The following GPHN variants were observed in gnomAD, a reference collection of about 807,000 sequenced individuals.
GPHN encodes the protein gephyrin.
GPHN carries 17 observed loss-of-function variants against 95.5 expected under a neutral mutation model. That is an observed-to-expected ratio of 0.18 (90% confidence interval 0.12 to 0.27). GPHN has a LOEUF of 0.27. GPHN is among the 10% of genes least tolerant of loss of function. The pLI is 1.00. For synonymous variants in GPHN, 320 were observed against 322.5 expected (o/e 0.99, Z 0.08); for missense variants, 660 against 978.1 (o/e 0.67, Z 4.34).
intron 9 of GPHN, among the ~76,000 whole-genome samples, chr14:66,998,963 C>A (rs2072024047): frequency 6.6e-6 from 1 of 150,446 alleles, no homozygotes; most frequent in Non-Finnish European, 1.5e-5. Context: ...TTTTTGATAT[C>A]TCATTATCAA....
intron 10 of GPHN, among the ~76,000 whole-genome samples, 166 bp from the exon 11 acceptor site, chr14:67,058,483 T>C (rs1321973606): frequency 1.3e-5 from 2 of 152,252 alleles, no homozygotes; most frequent in South Asian, 2.1e-4. Context: ...CTTGATTTAA[T>C]GTTCCACCAG....
intron 1 of GPHN, among the ~76,000 whole-genome samples, chr14:66,595,641 G>A (rs546265551): frequency 1.2e-4 from 18 of 152,298 alleles, no homozygotes; most frequent in Non-Finnish European, 2.5e-4. Context: ...GAGGCTTACT[G>A]CAAGCAGCTT....
chr14:66,922,213 G>A (rs2066255998), intron 6 of GPHN, among the ~76,000 whole-genome samples: 1 of 150,636 alleles, frequency 6.6e-6, no homozygotes, highest in Non-Finnish European at 1.5e-5. Flanking sequence ...AAATAGCTGG[G>A]ACCTAATTTA....
At chr14:66,547,705 G>T (rs909276942) in intron 1 of GPHN, among the ~76,000 whole-genome samples, 1 of 152,116 alleles carries the variant, frequency 6.6e-6, no homozygotes, top group African/African-American at 2.4e-5. Context: ...CAAATTTCGT[G>T]TTCATTCTGG....
At chr14:67,060,663 G>A (rs772231011) in intron 11 of GPHN, among the ~76,000 whole-genome samples, 4 of 152,218 alleles carry the variant, frequency 2.6e-5, no homozygotes, top group African/African-American at 9.6e-5. Context: ...GAAGAGATGG[G>A]TAAATTAATG....
At chr14:66,873,628 A>T (rs1430198083) in intron 4 of GPHN, among the ~76,000 whole-genome samples, 4 of 152,140 alleles carry the variant, frequency 2.6e-5, no homozygotes, top group Non-Finnish European at 5.9e-5. Context: ...TTCCCCTCAC[A>T]GCATAAACAA....
At chr14:67,159,548 A>C (rs1302716879) in intron 19 of GPHN, 60 bp downstream of exon 19, 1 of 860,822 alleles carries the variant, frequency 1.2e-6, no homozygotes, top group Non-Finnish European at 2.0e-6. Context: ...TTAACTAACA[A>C]ATTTTTAAAT....
At chr14:66,565,206 GGATA>G (rs1382995813) in intron 1 of GPHN, among the ~76,000 whole-genome samples, 2 of 152,126 alleles carry the variant, frequency 1.3e-5, no homozygotes. Flanking sequence ...AGGAGAGATA[GGATA>G]GATGGTTCTG....
intron 9 of GPHN, among the ~76,000 whole-genome samples, chr14:66,998,888 A>AT (rs543986222): frequency 0.15 from 20,972 of 142,708 alleles, 2,229 homozygotes; most frequent in East Asian, 0.32. Flanking sequence ...AAAAAAAAAA[A>AT]ATATATATAT....
rs3033900 is a variant in GPHN at position 66,652,525 on chromosome 14, G to GTTTT, written c.65-28576_65-28573dup. On this transcript the variant is annotated intron_variant, in intron 1 of 22. Transcript: ENST00000478722. Reference sequence around the variant, plus strand: ...CTTATGCTTCTTTTGTTTTTTGTGGGTTTTTTTTTCTGTTTTTAAACTAGG... The same window carrying GTTTT: ...CTTATGCTTCTTTTGTTTTTTGTGGGTTTTTTTTTTTTTCTGTTTTTAAACTAGG... Among the ~76,000 whole-genome samples the GTTTT allele has an allele frequency of 1.9e-4, 28 of 149,746 alleles. 1 individual carries two copies. Among genetic ancestry groups the GTTTT allele is most frequent in the Admixed American group, 1.6e-3 (24 of 15,016 alleles).
intron 1 of GPHN, among the ~76,000 whole-genome samples, chr14:66,628,434 G>A (rs2063602994): frequency 6.6e-6 from 1 of 152,022 alleles, no homozygotes; most frequent in South Asian, 2.1e-4. Context: ...TAACACAATG[G>A]CAAATATTTA....
chr14:67,560,691 G>A, the GPHN span, among the ~76,000 whole-genome samples: 1 of 151,262 alleles, frequency 6.6e-6, no homozygotes, highest in Non-Finnish European at 1.5e-5. Flanking sequence ...AATAAAAGGA[G>A]TGGGAATTGC....
chr14:67,574,274 G>A, the GPHN span: 19 of 1,608,488 alleles, frequency 1.2e-5, no homozygotes, highest in Admixed American at 1.2e-4. This position sits in a 1 kb window ranked among gnomAD's most constrained non-coding sequence, Gnocchi z 4.2. Flanking sequence ...ACTACCTGAC[G>A]GCCGATTCAC....
rs2140217301 is a variant in GPHN at position 67,181,634 on chromosome 14, C to T, written c.*697C>T. The stretch of plus-strand genomic sequence containing the variant: ...CCAATACATTTAAAATTGTACAGAA[C>T]AAAAAAATAAAATCAAAGACTGATC... On this transcript the variant is annotated 3_prime_UTR_variant, in exon 23 of 23. Coordinates refer to ENST00000478722, the MANE Select transcript of GPHN (RefSeq NM_020806.5). 1 of 317,912 alleles carries T rather than the reference C, an allele frequency of 3.1e-6. No homozygotes were observed. The highest frequency in any genetic ancestry group is 6.1e-5 in the East Asian group (1 of 16,326). 19.7% of individuals were successfully genotyped at this position (317,912 alleles called of 1,614,324 possible). A position where few individuals can be genotyped will look rare whatever the true frequency, so the allele number is the denominator to read the frequency against.
chr14:67,701,540 C>T, the GPHN span, among the ~76,000 whole-genome samples: 8 of 149,754 alleles, frequency 5.3e-5, no homozygotes, highest in Non-Finnish European at 1.0e-4. Context: ...TCTCCCGCCT[C>T]AGCCTCCCGA....
At chr14:67,247,854 C>T in the GPHN span, among the ~76,000 whole-genome samples, 2 of 152,180 alleles carry the variant, frequency 1.3e-5, no homozygotes, top group Non-Finnish European at 2.9e-5. Context: ...GCTGGGATTA[C>T]AGGCATGAGT....
chr14:67,391,056 G>T, the GPHN span, among the ~76,000 whole-genome samples: 1 of 152,134 alleles, frequency 6.6e-6, no homozygotes, highest in Non-Finnish European at 1.5e-5. Flanking sequence ...GGAGGCAGCA[G>T]GTGTCAGCTG....
chr14:66,708,555 G>A (rs905672100), intron 2 of GPHN, among the ~76,000 whole-genome samples: 12 of 151,850 alleles, frequency 7.9e-5, no homozygotes, highest in African/African-American at 2.9e-4. Context: ...CTCCCCTTTA[G>A]GGAAATTAAA....
intron 9 of GPHN, among the ~76,000 whole-genome samples, chr14:67,010,890 GA>G (rs1457216941): frequency 6.6e-6 from 1 of 151,898 alleles, no homozygotes; most frequent in Non-Finnish European, 1.5e-5. Flanking sequence ...CTTAGTGAAG[GA>G]AAAAAATAAT....
Sources: gnomAD v4.1 joint callset for allele counts (sites outside exome capture counted in the v4.1 genomes callset) on GRCh38, gnomAD v4.1.1 for gene constraint, Gnocchi (gnomAD v3.1) non-coding constraint, MANE v1.5 for transcripts, NCBI Gene and HGNC (gene_info 2026-07-23, HGNC 2026-07-21) for gene names.